Variants in BAP1 observed in about 807,000 individuals in gnomAD.
The protein encoded by BAP1 is BRCA1 associated deubiquitinase 1, also known as ubiquitin carboxyl-terminal hydrolase BAP1.
BAP1 carries 16 observed loss-of-function variants against 77.2 expected under a neutral mutation model. That is an observed-to-expected ratio of 0.21 (90% confidence interval 0.14 to 0.31). BAP1 has a LOEUF of 0.31. Among genes scored for constraint, BAP1 ranks in the 10% least tolerant of loss-of-function variants. BAP1 has a pLI of 1.00. For synonymous variants in BAP1, 362 were observed against 385.2 expected (o/e 0.94, Z 0.71); for missense variants, 699 against 967.3 (o/e 0.72, Z 3.68).
At chr3:52,408,291 C>T (rs1196349471) in intron 4 of BAP1, among the ~76,000 whole-genome samples, 183 bp downstream of exon 4, 2 of 152,160 alleles carry the variant, frequency 1.3e-5, no homozygotes, top group Non-Finnish European at 2.9e-5. Context: ...ACTCAGACAC[C>T]CTCCTACTCT....
At chr3:52,405,580 G>C in intron 10 of BAP1, 185 bp downstream of exon 10, 1 of 863,028 alleles carries the variant, frequency 1.2e-6, no homozygotes, top group South Asian at 1.7e-5. Flanking sequence ...CCAGGGGCCT[G>C]TGGTAACAGC....
rs1704977137 is a variant in BAP1, at chr3:52,402,223, G to C, written c.*65C>G. ...TAATACTGGGAAAAGGGGAAGTGGG[G>C]CAGGGAAGGACCCTGGTGAGGGCCA... On this transcript the variant is annotated 3_prime_UTR_variant, in exon 17 of 17. Transcript: ENST00000460680. This position sits in a 1 kb window ranked among gnomAD's most constrained non-coding sequence, Gnocchi z 5.3. The C allele has an allele frequency of 6.4e-7, 1 of 1,569,932 alleles. No homozygotes were observed. The highest frequency in any genetic ancestry group is 8.6e-7 in the Non-Finnish European group (1 of 1,160,112).
chr3:52,403,954 A>G lies in BAP1; in HGVS notation c.1251-60T>C. 1.3e-6 allele frequency: 2 copies of G among 1,570,678 alleles called. No individual in the cohort carries two copies. On this transcript the variant is annotated intron_variant, in intron 12 of 16. Transcript: ENST00000460680. This position sits in a 1 kb window ranked among gnomAD's most constrained non-coding sequence, Gnocchi z 4.0. The stretch of plus-strand genomic sequence containing the variant: ...GGGCCAGGTGACCATACCCAGCAGT[A>G]CCCAGAATGGCTTAAATACATCCCG...
chr3:52,408,699 A>G, intron 3 of BAP1, 93 bp from the exon 4 acceptor site: 1 of 1,440,778 alleles, frequency 6.9e-7, no homozygotes, highest in Non-Finnish European at 9.5e-7. Context: ...GCACTGCGTC[A>G]TCACTCAGGT....
intron 3 of BAP1, 37 bp from the exon 4 acceptor site, chr3:52,408,643 G>A (rs765162082): frequency 1.3e-6 from 2 of 1,596,780 alleles, no homozygotes; most frequent in Non-Finnish European, 1.7e-6. Flanking sequence ...ATCAGCCAAA[G>A]GGGAGAAGAC....
At chr3:52,409,780 G>C (rs2153228651) in intron 1 of BAP1, 37 bp from the exon 2 acceptor site, 1 of 1,613,266 alleles carries the variant, frequency 6.2e-7, no homozygotes, top group Non-Finnish European at 8.5e-7. Context: ...TGATGGTCAG[G>C]CAGGCGCGTC....
chr3:52,405,095 G>T lies in BAP1; in HGVS notation c.1116+15C>A. 1.2e-6 allele frequency: 2 copies of T among 1,613,948 alleles called. No individual in the cohort carries two copies. The highest frequency in any genetic ancestry group is 2.7e-5 in the African/African-American group (2 of 75,052). ...GAATCAAGTAGAGAATCCTGCAAGG[G>T]TGCTCCCAGCTTACCTGCATGGGGG... On this transcript the variant is annotated intron_variant, in intron 11 of 16. Transcript: ENST00000460680.
chr3:52,409,440 G>T, intron 3 of BAP1, 114 bp downstream of exon 3: 1 of 1,393,252 alleles, frequency 7.2e-7, no homozygotes. Context: ...GCTGCTTTCT[G>T]TGAGATTTTA....
chr3:52,407,593 AGGCTGGTGGG>A lies in BAP1; in HGVS notation c.376-143_376-134del, dbSNP rs1268852161. On this transcript the variant is annotated intron_variant, in intron 5 of 16. Coordinates refer to ENST00000460680, the MANE Select transcript of BAP1 (RefSeq NM_004656.4). ...AGGAACACAGACGAACTTTCTTAAA[AGGCTGGTGGG>A]GGCAGAAAAGAGCTCTGGAGCCCCA... 6.2e-6 allele frequency: 8 copies of A among 1,281,846 alleles called. No individual in the cohort carries two copies. In the South Asian group the frequency reaches 9.9e-5, roughly 16 times the overall value. The allele number at this position is 1,281,846 out of a possible 1,614,324, so 79.4% of individuals were successfully genotyped here. A position where few individuals can be genotyped will look rare whatever the true frequency, so the allele number is the denominator to read the frequency against.
In BAP1 at chr3:52,407,183, T is replaced by C. The variant is rs758802692; in HGVS notation, c.571A>G (p.Ile191Val). 3 of 1,613,864 alleles carry C rather than the reference T, an allele frequency of 1.9e-6. No individual in the cohort carries two copies. Among genetic ancestry groups the C allele is most frequent in the Admixed American group, 1.7e-5 (1 of 59,996 alleles). Residue 191 changes from isoleucine to valine, a missense_variant, in exon 7 of 17, where the codon ATT (isoleucine) becomes GTT (valine). Around this residue, in one of 3 missense-constraint regions of BAP1, gnomAD observed 160 missense variants for 322.8 expected, o/e 0.50. Transcript: ENST00000460680. ...AGCTCATGGTGCCTACCATGGTCAATGGGGTAGACCTTCAGCCCATCCAGC... is the reference window on the plus strand; with the variant it reads ...AGCTCATGGTGCCTACCATGGTCAACGGGGTAGACCTTCAGCCCATCCAGC... ...FELDGLKVYPIDHGPWGEDEE... is the reference protein window; with the variant it reads ...FELDGLKVYPVDHGPWGEDEE...
rs1252879548 is a variant in BAP1, at chr3:52,401,460, C to T, written c.*828G>A. ...GACAGAGGCTCTTCTGAGCCTCAAG[C>T]GCCAGGGACAGAGACCTAGAGCCCA... On this transcript the variant is annotated 3_prime_UTR_variant, in exon 17 of 17. Transcript: ENST00000460680. 8.6e-6 allele frequency: 2 copies of T among 233,544 alleles called. No individual in the cohort carries two copies. The highest frequency in any genetic ancestry group is 5.6e-5 in the Admixed American group (1 of 17,786). 14.5% of individuals were successfully genotyped at this position (233,544 alleles called of 1,614,324 possible). A position where few individuals can be genotyped will look rare whatever the true frequency, so the allele number is the denominator to read the frequency against.
chr3:52,402,543 G>A lies in BAP1; in HGVS notation c.2056+59C>T, dbSNP rs2153226141. Reference sequence around the variant, plus strand: ...CCTCAGGAGAGGCCAGGGGAGGGGAGCTGAAGGACACGGCCCTCAGCAGGG... The same window carrying A: ...CCTCAGGAGAGGCCAGGGGAGGGGAACTGAAGGACACGGCCCTCAGCAGGG... On this transcript the variant is annotated intron_variant, in intron 16 of 16. Coordinates refer to ENST00000460680, the MANE Select transcript of BAP1 (RefSeq NM_004656.4). The surrounding 1 kb of genome is among the most constrained non-coding windows in gnomAD (Gnocchi z 5.3). 10 of 1,612,606 alleles carry A rather than the reference G, an allele frequency of 6.2e-6. No individual in the cohort carries two copies. Among genetic ancestry groups the A allele is most frequent in the Non-Finnish European group, 7.6e-6 (9 of 1,178,754 alleles).
rs146661777 is a variant in BAP1, at chr3:52,402,901, C to G, written c.1891-30G>C. 9,145 of 1,613,842 alleles carry G rather than the reference C, an allele frequency of 5.7e-3. 70 individuals are homozygous for G. Among genetic ancestry groups the G allele is most frequent in the South Asian group, 0.023 (2,120 of 91,056 alleles). Reference sequence around the variant, plus strand: ...CAAAACCCAGCATTGCACCTCTGATCGGGGCGGGCCAGCAACAAAGCCCCA... The same window carrying G: ...CAAAACCCAGCATTGCACCTCTGATGGGGGCGGGCCAGCAACAAAGCCCCA... On this transcript the variant is annotated intron_variant, in intron 14 of 16. Transcript: ENST00000460680. The surrounding 1 kb of genome is among the most constrained non-coding windows in gnomAD (Gnocchi z 5.3).
In BAP1 at chr3:52,402,171, C is replaced by T; in HGVS notation, c.*117G>A. ...GCCTGGTTCCTCCCATTCCCAGGGC[C>T]TGGACTCTCCAGCTGGGACTATTCA... On this transcript the variant is annotated 3_prime_UTR_variant, in exon 17 of 17. Transcript: ENST00000460680. The surrounding 1 kb of genome is among the most constrained non-coding windows in gnomAD (Gnocchi z 5.3). The T allele has an allele frequency of 6.7e-7, 1 of 1,490,358 alleles. No individual in the cohort carries two copies. Among genetic ancestry groups the T allele is most frequent in the Non-Finnish European group, 9.0e-7 (1 of 1,108,422 alleles). The allele number at this position is 1,490,358 out of a possible 1,614,324, so 92.3% of individuals were successfully genotyped here. A position where few individuals can be genotyped will look rare whatever the true frequency, so the allele number is the denominator to read the frequency against.
At chr3:52,408,975 T>C (rs1318895462) in intron 3 of BAP1, among the ~76,000 whole-genome samples, 1 of 152,236 alleles carries the variant, frequency 6.6e-6, no homozygotes, top group Admixed American at 6.5e-5. Flanking sequence ...ACTGAGGCAC[T>C]CCTTCTCACT....
rs553426653 is a variant in BAP1, at chr3:52,402,527, A to G, written c.2056+75T>C. ...CCAAGGTCTGCTCAAGCCTCAGGAG[A>G]GGCCAGGGGAGGGGAGCTGAAGGAC... On this transcript the variant is annotated intron_variant, in intron 16 of 16. Coordinates refer to ENST00000460680, the MANE Select transcript of BAP1 (RefSeq NM_004656.4). This position sits in a 1 kb window ranked among gnomAD's most constrained non-coding sequence, Gnocchi z 5.3. The G allele has an allele frequency of 2.5e-6, 4 of 1,611,884 alleles. No homozygotes were observed. The African/African-American group carries it at 4.0e-5, about 16-fold the overall frequency.
At chr3:52,404,660 G>A (rs1705092568) in intron 11 of BAP1, 74 bp from the exon 12 acceptor site, 3 of 1,555,772 alleles carry the variant, frequency 1.9e-6, no homozygotes, top group Middle Eastern at 1.7e-4. Context: ...CACAGCCAGA[G>A]AGAAAGCCAA....
intron 10 of BAP1, 33 bp downstream of exon 10, chr3:52,405,732 G>A (rs1361420267): frequency 6.2e-7 from 1 of 1,611,734 alleles, no homozygotes; most frequent in East Asian, 2.2e-5. Flanking sequence ...GGGTGGCTCT[G>A]AGGTCCACAA....
In BAP1 at chr3:52,408,048, G is replaced by A. The variant is rs1288003773; in HGVS notation, c.285C>T (p.Ala95=). The A allele has an allele frequency of 4.3e-6, 7 of 1,612,050 alleles. No individual in the cohort carries two copies. Among genetic ancestry groups the A allele is most frequent in the Middle Eastern group, 1.7e-4 (1 of 6,060 alleles). ...TGCAGTTCAGGAGCACGCTCAGCAA[G>A]GCATGAGTTGCACAAGAGTTGGGTA... ...QLIPNSCATH[A]LLSVLLNCSS... is the part of the protein sequence containing the mutation. Residue 95 remains alanine, a synonymous_variant, in exon 5 of 17, where the codon GCC becomes GCT. Coordinates refer to ENST00000460680, the MANE Select transcript of BAP1 (RefSeq NM_004656.4).
Sources: allele counts gnomAD v4.1 joint callset (sites outside exome capture counted in the v4.1 genomes callset), GRCh38; gene constraint gnomAD v4.1.1; regional missense constraint gnomAD v4.1.1; non-coding constraint Gnocchi (gnomAD v3.1); transcripts MANE v1.5; gene names NCBI Gene and HGNC (gene_info 2026-07-23, HGNC 2026-07-21).